The following DMD variants were observed in gnomAD, a reference collection of about 807,000 sequenced individuals.
DMD encodes the protein mutant dystrophin.
DMD carries 63 observed loss-of-function variants against 330.1 expected under a neutral mutation model. That is an observed-to-expected ratio of 0.19 (90% CI 0.16 to 0.24). The LOEUF (loss-of-function observed/expected upper bound fraction) is 0.24, where lower values mean the gene tolerates loss of function less well. Ranked by LOEUF, DMD falls within the 10% of genes least tolerant of loss-of-function variation. DMD has a pLI of 1.00. For missense variants in DMD, 3,344 were observed against 2,684.1 expected (o/e 1.25, Z -5.43); for synonymous variants, 1,223 against 959.8 (o/e 1.27, Z -5.07).
intron 44 of DMD, among the ~76,000 whole-genome samples, chrX:32,051,992 T>C (rs1199925649): frequency 8.9e-6 from 1 of 112,277 alleles, no homozygotes; most frequent in Non-Finnish European, 1.9e-5. Context: ...AGTTTACTTT[T>C]TGAAGTAATT....
intron 49 of DMD, among the ~76,000 whole-genome samples, chrX:31,831,700 G>A (rs2093037792): frequency 9.0e-6 from 1 of 111,177 alleles, no homozygotes; most frequent in Non-Finnish European, 1.9e-5. Context: ...CCGGGTTCAT[G>A]CCATTCTCCT....
chrX:32,426,346 C>A (rs12007963), intron 29 of DMD, among the ~76,000 whole-genome samples: 18,169 of 111,189 alleles, frequency 0.16, 1,189 homozygotes, highest in African/African-American at 0.24. Context: ...TTTCACAAGA[C>A]GACACACATG....
chrX:31,208,469 A>T (rs763001258), intron 65 of DMD, among the ~76,000 whole-genome samples: 7 of 112,068 alleles, frequency 6.2e-5, no homozygotes, highest in Admixed American at 5.7e-4. Context: ...TTGAGGGGAA[A>T]CCTGAATACA....
At chrX:32,335,696 T>C (rs185647605) in intron 41 of DMD, among the ~76,000 whole-genome samples, 6 of 108,183 alleles carry the variant, frequency 5.5e-5, no homozygotes, top group Non-Finnish European at 7.7e-5. Flanking sequence ...ATATAACATG[T>C]TATATACATA....
In DMD at chrX:31,371,552, G is replaced by A. The variant is rs138962696; in HGVS notation, c.9085-22918C>T. On this transcript the variant is annotated intron_variant, in intron 60 of 78. Coordinates refer to ENST00000357033, the MANE Select transcript of DMD (RefSeq NM_004006.3). ...AGATATGTGAAAATGAGTAGTGTCCGGTGAAAGGCTCGTTTCTGGGTGGTT... is the reference window on the plus strand; with the variant it reads ...AGATATGTGAAAATGAGTAGTGTCCAGTGAAAGGCTCGTTTCTGGGTGGTT... 1.9e-3 allele frequency among the ~76,000 whole-genome samples: 213 copies of A among 110,962 alleles called. 1 individual carries two copies. Among genetic ancestry groups the A allele is most frequent in the African/African-American group, 6.4e-3 (196 of 30,567 alleles).
intron 2 of DMD, among the ~76,000 whole-genome samples, chrX:32,996,355 AAGTAATAT>A (rs1294117659): frequency 8.9e-6 from 1 of 112,135 alleles, no homozygotes; most frequent in Non-Finnish European, 1.9e-5. Flanking sequence ...TTACTTAAAA[AAGTAATAT>A]AGTACACATT....
At chrX:32,243,955 C>CTTTTTTTTTTTT (rs145842581) in intron 43 of DMD, among the ~76,000 whole-genome samples, 1 of 101,575 alleles carries the variant, frequency 9.8e-6, no homozygotes. Context: ...GAGGAACGAA[C>CTTTTTTTTTTTT]TTTTTTTTTT....
At chrX:32,937,601 A>G (rs1188336511) in intron 2 of DMD, among the ~76,000 whole-genome samples, 2 of 107,398 alleles carry the variant, frequency 1.9e-5, no homozygotes, top group Non-Finnish European at 3.8e-5. Context: ...AACAACCTTA[A>G]GGCAGCAGTC....
At chrX:31,468,719 G>T (rs1016589289) in intron 59 of DMD, among the ~76,000 whole-genome samples, 2 of 111,413 alleles carry the variant, frequency 1.8e-5, no homozygotes, top group Non-Finnish European at 3.8e-5. Flanking sequence ...GAATATCCTT[G>T]TTAATTTTCT....
intron 3 of DMD, among the ~76,000 whole-genome samples, 155 bp from the exon 4 acceptor site, chrX:32,845,015 A>T (rs2080531537): frequency 1.8e-5 from 2 of 111,896 alleles, no homozygotes; most frequent in South Asian, 7.5e-4. Context: ...CTTTGCGCTA[A>T]TTGTCCTTGG....
At chrX:31,707,073 T>A (rs757193411) in intron 52 of DMD, among the ~76,000 whole-genome samples, 103 of 110,830 alleles carry the variant, frequency 9.3e-4, no homozygotes, top group Non-Finnish European at 1.6e-3. Context: ...TTTTTTTAAA[T>A]CTTTTTATTT....
rs373475857 is a variant in DMD, at chrX:32,464,592, C to T, written c.3270G>A (p.Gln1090=). The change falls in exon 24 of 79, where the codon CAG becomes CAA. Residue 1090 remains glutamine, a synonymous_variant. Transcript: ENST00000357033. ...DSEILKKQLK[Q]CRLLVSDIQT... ...CATCATATAAAAATCTTACTCTGCACTGTTTCAGCTGCTTTTTTAGAATTT... is the reference window on the plus strand; with the variant it reads ...CATCATATAAAAATCTTACTCTGCATTGTTTCAGCTGCTTTTTTAGAATTT... The T allele has an allele frequency of 1.2e-5, 14 of 1,190,401 alleles. No homozygotes were observed. The African/African-American group carries it at 1.8e-4, about 15-fold the overall frequency.
Position 33,201,857 on chromosome X carries a change from C to T in DMD, c.31+9425G>A, listed in dbSNP as rs538234944. Among the ~76,000 whole-genome samples the T allele has an allele frequency of 4.5e-5, 5 of 112,329 alleles. No homozygotes were observed. The South Asian group carries it at 1.8e-3, about 41-fold the overall frequency. On this transcript the variant is annotated intron_variant, in intron 1 of 78. Coordinates refer to ENST00000357033, the MANE Select transcript of DMD (RefSeq NM_004006.3). The stretch of plus-strand genomic sequence containing the variant: ...ACTGAAATAAACTCTAAAAGAACAA[C>T]TAGTGAGACCACTCTAAGGATGGCT...
intron 1 of DMD, among the ~76,000 whole-genome samples, chrX:33,087,410 T>C (rs1569553610): frequency 8.9e-6 from 1 of 112,082 alleles, no homozygotes; most frequent in African/African-American, 3.2e-5. Flanking sequence ...TTAAAATACA[T>C]ATTTGTGTTG....
chrX:31,852,868 T>C (rs904487239), intron 48 of DMD, among the ~76,000 whole-genome samples: 1 of 112,518 alleles, frequency 8.9e-6, no homozygotes, highest in Non-Finnish European at 1.9e-5. Flanking sequence ...AAACAATTTA[T>C]AATTAGAATT....
chrX:32,391,469 T>A (rs1957615744), intron 30 of DMD, among the ~76,000 whole-genome samples: 1 of 111,926 alleles, frequency 8.9e-6, no homozygotes, highest in African/African-American at 3.2e-5. Context: ...AATTCACAGA[T>A]GTACCTCAAT....
At chrX:31,683,625 A>G (rs2082508982) in intron 52 of DMD, among the ~76,000 whole-genome samples, 2 of 112,037 alleles carry the variant, frequency 1.8e-5, no homozygotes, top group South Asian at 7.4e-4. Flanking sequence ...TGAGCCCAAC[A>G]CCGGGCTGGG....
At chrX:31,633,107 T>G (rs762517168) in intron 54 of DMD, among the ~76,000 whole-genome samples, 5 of 111,822 alleles carry the variant, frequency 4.5e-5, no homozygotes, top group Non-Finnish European at 3.8e-5. Flanking sequence ...GCGAGGAATA[T>G]ATGACATCAT....
intron 43 of DMD, among the ~76,000 whole-genome samples, chrX:32,242,621 G>T (rs2097213164): frequency 9.0e-6 from 1 of 110,868 alleles, no homozygotes; most frequent in Non-Finnish European, 1.9e-5. Context: ...TAATACTTTT[G>T]CTACTTTTCC....
Sources: allele counts gnomAD v4.1 joint callset (sites outside exome capture counted in the v4.1 genomes callset), GRCh38; gene constraint gnomAD v4.1.1; transcripts MANE v1.5; gene names NCBI Gene and HGNC (gene_info 2026-07-23, HGNC 2026-07-21).